C4orf50: variants seen among roughly 807,000 people sequenced by gnomAD.
C4orf50 encodes the protein chromosome 4 open reading frame 50.
Under a neutral mutation model 77.2 loss-of-function variants are expected in C4orf50, and 80 were observed. That is an observed-to-expected ratio of 1.04 (90% CI 0.87 to 1.25). The LOEUF is 1.25. Ranked by LOEUF, C4orf50 falls within the 50% of genes most tolerant of loss-of-function variation. The pLI is 0.00. For missense variants in C4orf50, 1,257 were observed against 1,152.9 expected (o/e 1.09, Z -1.31); for synonymous variants, 532 against 465.3 (o/e 1.14, Z -1.84).
At chr4:5,918,183 C>T (rs1717113224) in intron 7 of C4orf50, among the ~76,000 whole-genome samples, 1 of 152,272 alleles carries the variant, frequency 6.6e-6, no homozygotes, top group Admixed American at 6.5e-5. Flanking sequence ...CATACAACCA[C>T]CTCCCACCGC....
intron 7 of C4orf50, among the ~76,000 whole-genome samples, chr4:5,945,967 CAAGGAG>C (rs1367177743): frequency 1.3e-5 from 2 of 152,170 alleles, no homozygotes; most frequent in Non-Finnish European, 2.9e-5. Flanking sequence ...ATGGGAGGCA[CAAGGAG>C]AAGGCTGGAG....
intron 23 of C4orf50, among the ~76,000 whole-genome samples, chr4:6,012,671 G>A (rs1434101686): frequency 6.6e-6 from 1 of 152,180 alleles, no homozygotes; most frequent in Non-Finnish European, 1.5e-5. Flanking sequence ...GTCACAAGCA[G>A]GCATAGACAT....
chr4:5,926,905 A>G (rs941029119), intron 7 of C4orf50, among the ~76,000 whole-genome samples: 1 of 152,178 alleles, frequency 6.6e-6, no homozygotes, highest in African/African-American at 2.4e-5. Flanking sequence ...CGATCAGTAC[A>G]TATTTTATGA....
At chr4:5,941,856 C>A (rs1718282945) in intron 7 of C4orf50, among the ~76,000 whole-genome samples, 1 of 152,220 alleles carries the variant, frequency 6.6e-6, no homozygotes, top group African/African-American at 2.4e-5. Context: ...CTCCTCCTCT[C>A]ACTTTCACTA....
intron 32 of C4orf50, among the ~76,000 whole-genome samples, chr4:5,965,664 G>A (rs532054648): frequency 3.5e-4 from 53 of 152,294 alleles, no homozygotes; most frequent in African/African-American, 1.3e-3. Flanking sequence ...CTCCAACTGT[G>A]AGAACAGGCA....
chr4:5,932,735 C>A lies in C4orf50; in HGVS notation c.*2474+24166G>T, dbSNP rs1717822159. ...GAGATAACAGGTGTGAGTCACTGCA[C>A]CCACATTACAGTATTAAAAAAGCAA... is the stretch of plus-strand genomic sequence containing the variant. On this transcript the variant is annotated intron_variant, in intron 7 of 7. Transcript: ENST00000324058. This position sits in a 1 kb window ranked among gnomAD's most constrained non-coding sequence, Gnocchi z 4.2. 1.3e-5 allele frequency among the ~76,000 whole-genome samples: 2 copies of A among 152,260 alleles called. No homozygotes were observed. Among genetic ancestry groups the A allele is most frequent in the Admixed American group, 1.3e-4 (2 of 15,298 alleles).
chr4:5,984,679 A>AT, intron 28 of C4orf50, among the ~76,000 whole-genome samples: 1 of 152,326 alleles, frequency 6.6e-6, no homozygotes, highest in African/African-American at 2.4e-5. Context: ...AGAAACACAC[A>AT]TTTTTTAAAA....
intron 28 of C4orf50, 40 bp downstream of exon 6, chr4:5,988,307 T>C (rs1454354059): frequency 1.3e-6 from 2 of 1,594,246 alleles, no homozygotes; most frequent in East Asian, 4.5e-5. Flanking sequence ...CGGAACAGAG[T>C]CATGCGTGAT....
At chr4:5,939,372 T>C (rs1002425640) in intron 7 of C4orf50, among the ~76,000 whole-genome samples, 2 of 152,190 alleles carry the variant, frequency 1.3e-5, no homozygotes, top group Non-Finnish European at 2.9e-5. Context: ...TCTCTTTCAA[T>C]CTTTTCTCCA....
intron 7 of C4orf50, among the ~76,000 whole-genome samples, chr4:5,935,658 C>T (rs532686496): frequency 3.3e-5 from 5 of 151,656 alleles, no homozygotes; most frequent in Non-Finnish European, 2.9e-5. Context: ...TGGTGGCGGG[C>T]GCCTATAGTC....
rs1257948276 is a variant in C4orf50 at position 6,011,430 on chromosome 4, A to G, written c.426+400T>C. Reference sequence around the variant, plus strand: ...CTCTGTAGCTCTCCTCAACTCCCCTAGCCCCCTGAACACACGCCATGGGGG... The same window carrying G: ...CTCTGTAGCTCTCCTCAACTCCCCTGGCCCCCTGAACACACGCCATGGGGG... On this transcript the variant is annotated intron_variant, in intron 24 of 33. Transcript: ENST00000531445. The surrounding 1 kb of genome is among the most constrained non-coding windows in gnomAD (Gnocchi z 4.2). Among the ~76,000 whole-genome samples the G allele has an allele frequency of 1.3e-5, 2 of 151,828 alleles. No homozygotes were observed. The highest frequency in any genetic ancestry group is 4.8e-5 in the African/African-American group (2 of 41,306).
At chr4:5,955,144 A>T (rs1718896853), downstream of C4orf50, among the ~76,000 whole-genome samples, 1 of 152,160 alleles carries the variant, frequency 6.6e-6, no homozygotes, top group African/African-American at 2.4e-5. This position sits in a 1 kb window ranked among gnomAD's most constrained non-coding sequence, Gnocchi z 5.1. Flanking sequence ...CTGTTTTTTA[A>T]AAATGACAAG....
intron 31 of C4orf50, among the ~76,000 whole-genome samples, chr4:5,971,482 AT>A (rs11325190): frequency 0.05 from 7,410 of 148,236 alleles, 331 homozygotes; most frequent in East Asian, 0.19. Flanking sequence ...ACACATCACA[AT>A]TTTTTTTTTT....
At chr4:5,998,474 C>T (rs1011262756) in intron 25 of C4orf50, among the ~76,000 whole-genome samples, 1 of 152,142 alleles carries the variant, frequency 6.6e-6, no homozygotes, top group Non-Finnish European at 1.5e-5. Context: ...TGCAATTCAC[C>T]CAGCAACAAA....
chr4:5,970,465 A>C lies in C4orf50; in HGVS notation c.4105-3003T>G, dbSNP rs1009575401. On this transcript the variant is annotated intron_variant, in intron 31 of 33. Coordinates refer to ENST00000531445, the Ensembl canonical transcript of C4orf50. The surrounding 1 kb of genome is among the most constrained non-coding windows in gnomAD (Gnocchi z 4.3). Reference sequence around the variant, plus strand: ...TGGACAGAATCAGCAGAGTAGGAGGAGGGAAGCCAGGGCGGATACAAGGGT... The same window carrying C: ...TGGACAGAATCAGCAGAGTAGGAGGCGGGAAGCCAGGGCGGATACAAGGGT... 1.3e-5 allele frequency among the ~76,000 whole-genome samples: 2 copies of C among 152,066 alleles called. No homozygotes were observed. Among genetic ancestry groups the C allele is most frequent in the African/African-American group, 4.8e-5 (2 of 41,418 alleles).
intron 28 of C4orf50, among the ~76,000 whole-genome samples, chr4:5,982,369 T>A (rs1308861116): frequency 6.6e-6 from 1 of 152,176 alleles, no homozygotes; most frequent in Non-Finnish European, 1.5e-5. Flanking sequence ...CCAGAGAGTC[T>A]CCTGCTGTCT....
chr4:5,961,899 A>G (rs1719297424), intron 33 of C4orf50, among the ~76,000 whole-genome samples: 1 of 152,138 alleles, frequency 6.6e-6, no homozygotes, highest in East Asian at 1.9e-4. Context: ...TCAAAACTCC[A>G]TGACCTCATT....
chr4:5,965,188 A>G, intron 32 of C4orf50, 43 bp from the exon 11 acceptor site: 1 of 1,595,154 alleles, frequency 6.3e-7, no homozygotes. Context: ...CCAGGAACCT[A>G]GGTGAAAAGT....
intron 23 of C4orf50, among the ~76,000 whole-genome samples, chr4:6,014,796 C>A (rs922739356): frequency 7.9e-5 from 12 of 152,188 alleles, no homozygotes; most frequent in African/African-American, 2.9e-4. Context: ...CAGCCCTGTG[C>A]CAGCTCCCTT....
Sources: gnomAD v4.1 joint callset for allele counts (sites outside exome capture counted in the v4.1 genomes callset) on GRCh38, gnomAD v4.1.1 for gene constraint, Gnocchi (gnomAD v3.1) non-coding constraint, MANE v1.5 for transcripts, NCBI Gene and HGNC (gene_info 2026-07-23, HGNC 2026-07-21) for gene names.